LCE2D: variants seen among roughly 807,000 people sequenced by gnomAD.
LCE2D encodes the protein late cornified envelope 2D, also known as late cornified envelope protein 2D.
For missense variants in LCE2D, 161 were observed against 142.9 expected, an observed-to-expected ratio of 1.13 and a Z score of -0.65; for synonymous variants, 55 against 51.3, an observed-to-expected ratio of 1.07 and a Z score of -0.31.
chr1:152,664,519 A>AT lies in LCE2D; in HGVS notation c.*83dup, dbSNP rs944539775. 7 of 1,521,220 alleles carry AT rather than the reference A, an allele frequency of 4.6e-6. No homozygotes were observed. The allele number at this position is 1,521,220 out of a possible 1,614,324, so 94.2% of individuals were successfully genotyped here. ...TGCTTAACTATTTCCCCTTCCTTTC[A>AT]TTCCACTCATGGGTGGACAGGGACC... On this transcript the variant is annotated 3_prime_UTR_variant, in exon 2 of 2. Coordinates refer to ENST00000368784, the MANE Select transcript of LCE2D (RefSeq NM_178430.4).
chr1:152,664,631 G>T lies in LCE2D; in HGVS notation c.*193G>T. Reference sequence around the variant, plus strand: ...TTCTTTTTCTCCTTTACCTCATATTGTAATAAAGCTCTGATTTCTGACTCT... The same window carrying T: ...TTCTTTTTCTCCTTTACCTCATATTTTAATAAAGCTCTGATTTCTGACTCT... On this transcript the variant is annotated 3_prime_UTR_variant, in exon 2 of 2. Transcript: ENST00000368784. The T allele has an allele frequency of 1.4e-6, 1 of 693,344 alleles. No individual in the cohort carries two copies. Among genetic ancestry groups the T allele is most frequent in the Non-Finnish European group, 2.3e-6 (1 of 426,680 alleles). 42.9% of individuals were successfully genotyped at this position (693,344 alleles called of 1,614,324 possible). A position where few individuals can be genotyped will look rare whatever the true frequency, so the allele number is the denominator to read the frequency against.
rs2101491150 is a variant in LCE2D at position 152,664,522 on chromosome 1, C to T, written c.*84C>T. 3.9e-6 allele frequency: 6 copies of T among 1,519,634 alleles called. No homozygotes were observed. Among genetic ancestry groups the T allele is most frequent in the East Asian group, 2.3e-5 (1 of 44,068 alleles). 94.1% of individuals were successfully genotyped at this position (1,519,634 alleles called of 1,614,324 possible). ...TTAACTATTTCCCCTTCCTTTCATT[C>T]CACTCATGGGTGGACAGGGACCACA... On this transcript the variant is annotated 3_prime_UTR_variant, in exon 2 of 2. Transcript: ENST00000368784.
Position 152,664,015 on chromosome 1 carries a change from T to C in LCE2D, c.-21-70T>C, listed in dbSNP as rs1217372607. On this transcript the variant is annotated intron_variant, in intron 1 of 1. Coordinates refer to ENST00000368784, the MANE Select transcript of LCE2D (RefSeq NM_178430.4). ...TATCATTCTTCTTCTACACATGCAT[T>C]GATTTTAGAGGAGGCATAATTATGA... The C allele has an allele frequency of 1.3e-6, 2 of 1,522,688 alleles. 1 individual carries two copies. The highest frequency in any genetic ancestry group is 2.8e-5 in the African/African-American group (2 of 72,336). The allele number at this position is 1,522,688 out of a possible 1,614,324, so 94.3% of individuals were successfully genotyped here.
In LCE2D at chr1:152,664,359, G is replaced by A. The variant is rs113433987; in HGVS notation, c.254G>A (p.Arg85Gln). The A allele has an allele frequency of 3.7e-5, 59 of 1,608,606 alleles. No individual in the cohort carries two copies. The highest frequency in any genetic ancestry group is 1.7e-4 in the African/African-American group (13 of 74,944). ...HHRPRLFHRR[R>Q]HQSPDCCESE... Reference sequence around the variant, plus strand: ...AGGCCCCGTCTCTTCCACCGGCGCCGGCACCAGAGCCCCGATTGCTGTGAG... The same window carrying A: ...AGGCCCCGTCTCTTCCACCGGCGCCAGCACCAGAGCCCCGATTGCTGTGAG... The change falls in exon 2 of 2, where the codon CGG becomes CAG. Residue 85 changes from arginine to glutamine, a missense_variant. Arg to Gln is a conservative substitution (Grantham distance 43, BLOSUM62 1). Transcript: ENST00000368784.
In LCE2D at chr1:152,663,427, AG is replaced by A. The variant is rs1648457721; in HGVS notation, c.-22+1del. ...CGTGTCTGTGCTTTTGCATGTGACC[AG>A]GGTGAGTGGCAACCTGGGATACCAG... On this transcript the variant is annotated splice_region_variant and 5_prime_UTR_variant, in exon 1 of 2. Coordinates refer to ENST00000368784, the MANE Select transcript of LCE2D (RefSeq NM_178430.4). 6.5e-6 allele frequency: 1 copy of A among 152,690 alleles called. No homozygotes were observed. Among genetic ancestry groups the A allele is most frequent in the Non-Finnish European group, 1.5e-5 (1 of 68,412 alleles). 9.5% of individuals were successfully genotyped at this position (152,690 alleles called of 1,614,324 possible).
chr1:152,664,304 G>C lies in LCE2D; in HGVS notation c.199G>C (p.Gly67Arg). ...GPSSGGCCSS[G>R]GGGCCLSHHR... ...CAGCTCTGGGGGCTGCTGCAGCTCT[G>C]GGGGTGGTGGCTGCTGCCTGAGCCA... is the stretch of plus-strand genomic sequence containing the variant. The change falls in exon 2 of 2, where the codon GGG becomes CGG. Residue 67 changes from glycine (G) to arginine (R), a missense_variant. Gly to Arg is a moderately radical substitution (Grantham distance 125). Coordinates refer to ENST00000368784, the MANE Select transcript of LCE2D (RefSeq NM_178430.4). 1.2e-6 allele frequency: 2 copies of C among 1,614,164 alleles called. No homozygotes were observed. Among genetic ancestry groups the C allele is most frequent in the East Asian group, 4.5e-5 (2 of 44,866 alleles).
Position 152,664,104 on chromosome 1 carries a change from G to A in LCE2D, c.-2G>A, listed in dbSNP as rs1648481904. 6.2e-7 allele frequency: 1 copy of A among 1,613,858 alleles called. No individual in the cohort carries two copies. Among genetic ancestry groups the A allele is most frequent in the South Asian group, 1.1e-5 (1 of 91,042 alleles). On this transcript the variant is annotated 5_prime_UTR_variant, in exon 2 of 2. Coordinates refer to ENST00000368784, the MANE Select transcript of LCE2D (RefSeq NM_178430.4). The stretch of plus-strand genomic sequence containing the variant: ...TTTTAGGTTGACTAAACTCCTGCCA[G>A]GATGTCTTGCCAGCAAAACCAGCAG...
rs1209753419 is a variant in LCE2D at position 152,664,123 on chromosome 1, C to A, written c.18C>A (p.Asn6Lys). MSCQQ[N>K]QQQCQPPPKC... ...CTGCCAGGATGTCTTGCCAGCAAAA[C>A]CAGCAGCAGTGCCAGCCCCCTCCCA... is the stretch of plus-strand genomic sequence containing the variant. The change falls in exon 2 of 2, where the codon AAC becomes AAA. Residue 6 changes from asparagine to lysine, a missense_variant. Physicochemically the swap from Asn to Lys is moderately conservative, Grantham distance 94. Transcript: ENST00000368784. 1 of 1,614,094 alleles carries A rather than the reference C, an allele frequency of 6.2e-7. No homozygotes were observed. The highest frequency in any genetic ancestry group is 8.5e-7 in the Non-Finnish European group (1 of 1,179,992).
chr1:152,664,653 C>A lies in LCE2D; in HGVS notation c.*215C>A, dbSNP rs1648514081. On this transcript the variant is annotated 3_prime_UTR_variant, in exon 2 of 2. Transcript: ENST00000368784. ...ATTGTAATAAAGCTCTGATTTCTGA[C>A]TCTTTAAATGTCTTGGTCATACTCT... 2 of 635,142 alleles carry A rather than the reference C, an allele frequency of 3.1e-6. No homozygotes were observed. Among genetic ancestry groups the A allele is most frequent in the Non-Finnish European group, 5.3e-6 (2 of 378,624 alleles). The allele number at this position is 635,142 out of a possible 1,614,324, so 39.3% of individuals were successfully genotyped here. A position where few individuals can be genotyped will look rare whatever the true frequency, so the allele number is the denominator to read the frequency against.
intron 1 of LCE2D, 46 bp from the exon 2 acceptor site, chr1:152,664,039 G>A (rs1490093707): frequency 3.2e-6 from 5 of 1,577,410 alleles, no homozygotes; most frequent in Admixed American, 1.8e-5. Flanking sequence ...GCATAATTAT[G>A]ACCTTTGGTT....
At position 152,664,195 on chromosome 1, in the gene LCE2D, C is replaced by G. The variant is rs28576017; in HGVS notation, c.90C>G (p.Pro30=). The change falls in exon 2 of 2, where the codon CCC becomes CCG. Residue 30 remains proline, a synonymous_variant. Transcript: ENST00000368784. ...CTPKCPPKCP[P]KCPPQCPAPC... ...CAAAATGTCCACCTAAGTGTCCCCC[C>G]AAATGCCCACCACAGTGCCCAGCTC... 6.2e-7 allele frequency: 1 copy of G among 1,614,166 alleles called. No homozygotes were observed. The highest frequency in any genetic ancestry group is 8.5e-7 in the Non-Finnish European group (1 of 1,180,036).
rs1459796278 is a variant in LCE2D at position 152,664,605 on chromosome 1, C to T, written c.*167C>T. 5.6e-6 allele frequency: 5 copies of T among 898,012 alleles called. No individual in the cohort carries two copies. The highest frequency in any genetic ancestry group is 8.3e-6 in the Non-Finnish European group (5 of 603,944). The allele number at this position is 898,012 out of a possible 1,614,324, so 55.6% of individuals were successfully genotyped here. A position where few individuals can be genotyped will look rare whatever the true frequency, so the allele number is the denominator to read the frequency against. On this transcript the variant is annotated 3_prime_UTR_variant, in exon 2 of 2. Transcript: ENST00000368784. Reference sequence around the variant, plus strand: ...TTGATGGAGCACCCCAGATGGAAGCCTTCTTTTTCTCCTTTACCTCATATT... The same window carrying T: ...TTGATGGAGCACCCCAGATGGAAGCTTTCTTTTTCTCCTTTACCTCATATT...
At position 152,664,341 on chromosome 1, in the gene LCE2D, G is replaced by A. The variant is rs754570664; in HGVS notation, c.236G>A (p.Arg79His). 14 of 1,609,080 alleles carry A rather than the reference G, an allele frequency of 8.7e-6. No homozygotes were observed. The highest frequency in any genetic ancestry group is 2.7e-5 in the African/African-American group (2 of 74,966). Residue 79 changes from arginine to histidine, a missense_variant, in exon 2 of 2, where the codon CGT (arginine) becomes CAT (histidine). Arg to His is a conservative substitution (Grantham distance 29, BLOSUM62 0). Coordinates refer to ENST00000368784, the MANE Select transcript of LCE2D (RefSeq NM_178430.4). ...TGCTGCCTGAGCCACCACAGGCCCCGTCTCTTCCACCGGCGCCGGCACCAG... is the reference window on the plus strand; with the variant it reads ...TGCTGCCTGAGCCACCACAGGCCCCATCTCTTCCACCGGCGCCGGCACCAG... ...GGCCLSHHRP[R>H]LFHRRRHQSP...
chr1:152,664,486 C>A lies in LCE2D; in HGVS notation c.*48C>A. 6.5e-7 allele frequency: 1 copy of A among 1,549,774 alleles called. No homozygotes were observed. The highest frequency in any genetic ancestry group is 8.7e-7 in the Non-Finnish European group (1 of 1,151,544). On this transcript the variant is annotated 3_prime_UTR_variant, in exon 2 of 2. Transcript: ENST00000368784. Reference sequence around the variant, plus strand: ...GTACTGAATGGTCAAAAACCTGCTACAGCCTGATGCTTAACTATTTCCCCT... The same window carrying A: ...GTACTGAATGGTCAAAAACCTGCTAAAGCCTGATGCTTAACTATTTCCCCT...
Position 152,664,148 on chromosome 1 carries a change from A to G in LCE2D, c.43A>G (p.Lys15Glu). The G allele has an allele frequency of 6.2e-7, 1 of 1,614,152 alleles. No homozygotes were observed. Among genetic ancestry groups the G allele is most frequent in the African/African-American group, 1.3e-5 (1 of 75,050 alleles). The change falls in exon 2 of 2, where the codon AAA becomes GAA. Residue 15 changes from lysine (K) to glutamate (E), a missense_variant. By Grantham distance (56) the Lys-to-Glu change is moderately conservative (BLOSUM62 1). Transcript: ENST00000368784. The stretch of plus-strand genomic sequence containing the variant: ...CCAGCAGCAGTGCCAGCCCCCTCCC[A>G]AATGTCCTCCCAAGTGTACCCCAAA... ...QNQQQCQPPPKCPPKCTPKCP... is the reference protein window; with the variant it reads ...QNQQQCQPPPECPPKCTPKCP...
chr1:152,664,475 A>C lies in LCE2D; in HGVS notation c.*37A>C. ...GAAGAGCTCTGGTACTGAATGGTCA[A>C]AAACCTGCTACAGCCTGATGCTTAA... On this transcript the variant is annotated 3_prime_UTR_variant, in exon 2 of 2. Coordinates refer to ENST00000368784, the MANE Select transcript of LCE2D (RefSeq NM_178430.4). The C allele has an allele frequency of 6.4e-7, 1 of 1,571,688 alleles. No individual in the cohort carries two copies. Among genetic ancestry groups the C allele is most frequent in the Non-Finnish European group, 8.6e-7 (1 of 1,162,012 alleles).
In LCE2D at chr1:152,664,591, C is replaced by A. The variant is rs532608995; in HGVS notation, c.*153C>A. The A allele has an allele frequency of 2.4e-5, 26 of 1,084,096 alleles. No individual in the cohort carries two copies. The highest frequency in any genetic ancestry group is 3.0e-5 in the Non-Finnish European group (23 of 769,064). 67.2% of individuals were successfully genotyped at this position (1,084,096 alleles called of 1,614,324 possible). ...CCAGAACTTTGTGCTTGATGGAGCA[C>A]CCCAGATGGAAGCCTTCTTTTTCTC... is the stretch of plus-strand genomic sequence containing the variant. On this transcript the variant is annotated 3_prime_UTR_variant, in exon 2 of 2. Coordinates refer to ENST00000368784, the MANE Select transcript of LCE2D (RefSeq NM_178430.4).
chr1:152,664,394 T>C lies in LCE2D; in HGVS notation c.289T>C (p.Ser97Pro). 5 of 1,607,402 alleles carry C rather than the reference T, an allele frequency of 3.1e-6. No individual in the cohort carries two copies. Among genetic ancestry groups the C allele is most frequent in the Non-Finnish European group, 4.3e-6 (5 of 1,174,994 alleles). ...QSPDCCESEP[S>P]GASGCCHSSG... ...CCCCGATTGCTGTGAGAGTGAACCT[T>C]CTGGGGCCTCTGGCTGCTGCCACAG... is the stretch of plus-strand genomic sequence containing the variant. The change falls in exon 2 of 2, where the codon TCT becomes CCT. Residue 97 changes from serine (S) to proline (P), a missense_variant. Coordinates refer to ENST00000368784, the MANE Select transcript of LCE2D (RefSeq NM_178430.4).
At chr1:152,663,985 C>G (rs1648476052) in intron 1 of LCE2D, 100 bp from the exon 2 acceptor site, 1 of 1,349,454 alleles carries the variant, frequency 7.4e-7, no homozygotes, top group East Asian at 2.4e-5. Context: ...ACTGTATTAC[C>G]TAAATATCAT....
Sources: gnomAD v4.1 joint callset for allele counts on GRCh38, gnomAD v4.1.1 for gene constraint, MANE v1.5 for transcripts, NCBI Gene and HGNC (gene_info 2026-07-23, HGNC 2026-07-21) for gene names.